ATP9B: variants seen among roughly 807,000 people sequenced by gnomAD.
The protein encoded by ATP9B is probable phospholipid-transporting ATPase IIB.
ATP9B carries 110 observed loss-of-function variants against 146.1 expected under a neutral mutation model. The observed-to-expected ratio is 0.75, with a 90% CI of 0.65 to 0.88. ATP9B has a LOEUF of 0.88. Among genes scored for constraint, ATP9B ranks in the 40% least tolerant of loss-of-function variants. The pLI is 0.00. For synonymous variants in ATP9B, 604 were observed against 569.7 expected, an observed-to-expected ratio of 1.06 and a Z score of -0.86; for missense variants, 1,499 against 1,496.4, an observed-to-expected ratio of 1.00 and a Z score of -0.03.
Position 79,329,308 on chromosome 18 carries a change from G to T in ATP9B, c.1935+6G>T, listed in dbSNP as rs772713108. The T allele has an allele frequency of 1.3e-6, 2 of 1,585,596 alleles. No homozygotes were observed. The highest frequency in any genetic ancestry group is 1.7e-6 in the Non-Finnish European group (2 of 1,164,706). On this transcript the variant is annotated splice_donor_region_variant and intron_variant, in intron 16 of 29. Coordinates refer to ENST00000426216, the MANE Select transcript of ATP9B (RefSeq NM_198531.5). ...GGATGGGCGTCATCGTCAGGGTGAG[G>T]CTGCGGGGAGGGTGCCACGCGATGG...
intron 9 of ATP9B, among the ~76,000 whole-genome samples, chr18:79,196,545 C>G (rs2095419623): frequency 6.6e-6 from 1 of 152,086 alleles, no homozygotes; most frequent in Non-Finnish European, 1.5e-5. Flanking sequence ...CTGACGAGCT[C>G]AATAGTAGCT....
chr18:79,091,499 T>C (rs1346152351), intron 1 of ATP9B, among the ~76,000 whole-genome samples: 2 of 152,178 alleles, frequency 1.3e-5, no homozygotes, highest in Non-Finnish European at 2.9e-5. Flanking sequence ...CTTTCACTTC[T>C]TCGGTGAAGT....
At chr18:79,215,536 A>C (rs1338262816) in intron 11 of ATP9B, among the ~76,000 whole-genome samples, 2 of 152,258 alleles carry the variant, frequency 1.3e-5, no homozygotes, top group African/African-American at 4.8e-5. Context: ...TCTAATTTGC[A>C]TTTCAAATAT....
intron 5 of ATP9B, among the ~76,000 whole-genome samples, chr18:79,130,160 A>G (rs2094353773): frequency 6.6e-6 from 1 of 152,212 alleles, no homozygotes; most frequent in Non-Finnish European, 1.5e-5. Flanking sequence ...GACTTAGGAG[A>G]CAAAAAGTTT....
chr18:79,155,282 A>G (rs943538034), intron 7 of ATP9B, among the ~76,000 whole-genome samples: 4 of 152,226 alleles, frequency 2.6e-5, no homozygotes, highest in Non-Finnish European at 2.9e-5. Flanking sequence ...AATTTTGCCT[A>G]TTGAGTTGAT....
chr18:79,152,198 A>T (rs903533102), intron 6 of ATP9B, among the ~76,000 whole-genome samples: 1 of 152,226 alleles, frequency 6.6e-6, no homozygotes, highest in Non-Finnish European at 1.5e-5. Context: ...GGATGTGGAG[A>T]AATAGGAACG....
chr18:79,373,797 A>G (rs2097087436), intron 27 of ATP9B, 101 bp from the exon 28 acceptor site: 1 of 1,279,944 alleles, frequency 7.8e-7, no homozygotes, highest in South Asian at 1.3e-5. Flanking sequence ...CCTATCCCCT[A>G]TTTTTAAGGG....
At chr18:79,138,331 C>T (rs576955222) in intron 5 of ATP9B, among the ~76,000 whole-genome samples, 1 of 152,248 alleles carries the variant, frequency 6.6e-6, no homozygotes, top group South Asian at 2.1e-4. Flanking sequence ...CACAGTTTTA[C>T]ATGAGAAAGC....
chr18:79,081,055 A>C (rs957575283), intron 1 of ATP9B, among the ~76,000 whole-genome samples: 1 of 152,182 alleles, frequency 6.6e-6, no homozygotes, highest in African/African-American at 2.4e-5. Flanking sequence ...ATTGATGTTC[A>C]TCAGGGATAT....
intron 6 of ATP9B, among the ~76,000 whole-genome samples, chr18:79,147,145 C>T (rs1032736463): frequency 6.6e-6 from 1 of 152,182 alleles, no homozygotes; most frequent in African/African-American, 2.4e-5. Flanking sequence ...ATTAATCCAT[C>T]AGGAAGATAC....
At position 79,193,202 on chromosome 18, in the gene ATP9B, C is replaced by T; in HGVS notation, c.893C>T (p.Ala298Val). ...TTCCAGGACCTTTTTTCTATCAGTG[C>T]TTATGTTTATGCTCAGAAACCACAA... The part of the protein sequence containing the change: ...PALGDLFSIS[A>V]YVYAQKPQMD... Residue 298 changes from alanine (A) to valine (V), a missense_variant, in exon 9 of 30, where the codon GCT (alanine) becomes GTT (valine). Physicochemically the swap from Ala to Val is moderately conservative, Grantham distance 64. Coordinates refer to ENST00000426216, the MANE Select transcript of ATP9B (RefSeq NM_198531.5). The T allele has an allele frequency of 6.2e-7, 1 of 1,609,610 alleles. No homozygotes were observed. The highest frequency in any genetic ancestry group is 2.2e-5 in the East Asian group (1 of 44,764).
intron 5 of ATP9B, among the ~76,000 whole-genome samples, chr18:79,143,359 G>A (rs1166472174): frequency 2.6e-5 from 4 of 152,154 alleles, no homozygotes; most frequent in Admixed American, 2.6e-4. Context: ...TATTGATAGA[G>A]GGTGATTTTA....
At chr18:79,265,639 AG>A (rs2096195816) in intron 12 of ATP9B, among the ~76,000 whole-genome samples, 1 of 151,836 alleles carries the variant, frequency 6.6e-6, no homozygotes, top group African/African-American at 2.4e-5. Context: ...CCCACTCTGT[AG>A]GTTGTCTGTT....
chr18:79,118,469 C>T (rs1186947319), intron 4 of ATP9B, among the ~76,000 whole-genome samples: 8 of 130,184 alleles, frequency 6.1e-5, no homozygotes, highest in African/African-American at 1.7e-4. Context: ...GGCGCGATCT[C>T]GGCTCACTGC....
At chr18:79,315,525 G>A (rs2096674578) in intron 15 of ATP9B, among the ~76,000 whole-genome samples, 1 of 152,306 alleles carries the variant, frequency 6.6e-6, no homozygotes, top group Non-Finnish European at 1.5e-5. Flanking sequence ...AAATTATGAT[G>A]TACAAAGTGC....
At position 79,377,468 on chromosome 18, in the gene ATP9B, G is replaced by A; in HGVS notation, c.*85G>A. ...GCCCTTGCCAGTGAACGCAGGGTTTGCCATTGCTACCAAGCAAGCACCACA... is the reference window on the plus strand; with the variant it reads ...GCCCTTGCCAGTGAACGCAGGGTTTACCATTGCTACCAAGCAAGCACCACA... On this transcript the variant is annotated 3_prime_UTR_variant, in exon 30 of 30. Transcript: ENST00000426216. 2 of 1,512,010 alleles carry A rather than the reference G, an allele frequency of 1.3e-6. No individual in the cohort carries two copies. The highest frequency in any genetic ancestry group is 3.8e-5 in the Admixed American group (2 of 52,224). The allele number at this position is 1,512,010 out of a possible 1,614,324, so 93.7% of individuals were successfully genotyped here. A position where few individuals can be genotyped will look rare whatever the true frequency, so the allele number is the denominator to read the frequency against.
chr18:79,366,735 T>C (rs2097031751), intron 26 of ATP9B, among the ~76,000 whole-genome samples: 1 of 152,206 alleles, frequency 6.6e-6, no homozygotes, highest in Non-Finnish European at 1.5e-5. Flanking sequence ...TTGCAGATTA[T>C]GCGGACGAGA....
At chr18:79,076,385 T>C (rs965325395) in intron 1 of ATP9B, among the ~76,000 whole-genome samples, 1 of 152,228 alleles carries the variant, frequency 6.6e-6, no homozygotes, top group Non-Finnish European at 1.5e-5. Flanking sequence ...AAGATGCCTG[T>C]ATTTCTCCTT....
intron 7 of ATP9B, among the ~76,000 whole-genome samples, chr18:79,155,042 A>T (rs189194267): frequency 6.6e-5 from 10 of 152,244 alleles, no homozygotes; most frequent in African/African-American, 2.4e-4. Flanking sequence ...TGATGATGTT[A>T]CTTAAAATTT....
Sources: allele counts gnomAD v4.1 joint callset (sites outside exome capture counted in the v4.1 genomes callset), GRCh38; gene constraint gnomAD v4.1.1; transcripts MANE v1.5; gene names NCBI Gene and HGNC (gene_info 2026-07-23, HGNC 2026-07-21).